Variants in MCTP1 observed in about 807,000 individuals in gnomAD.
The protein encoded by MCTP1 is multiple C2 and transmembrane domain containing 1, also known as multiple C2 and transmembrane domain-containing protein 1.
A neutral mutation model predicts 120.6 loss-of-function variants in MCTP1; 69 were observed. The ratio of observed to expected loss-of-function variants is 0.57; its 90% CI spans 0.47 to 0.70. The LOEUF is 0.70. Among genes scored for constraint, MCTP1 ranks in the 30% least tolerant of loss-of-function variants. The pLI, the probability that MCTP1 is intolerant of heterozygous loss-of-function variation, is 0.00. For missense variants in MCTP1, 1,203 were observed against 1,248.8 expected, an observed-to-expected ratio of 0.96 and a Z score of 0.55; for synonymous variants, 529 against 493.1, an observed-to-expected ratio of 1.07 and a Z score of -0.96.
At chr5:95,220,715 C>A in intron 1 of MCTP1, among the ~76,000 whole-genome samples, 1 of 152,152 alleles carries the variant, frequency 6.6e-6, no homozygotes, top group Non-Finnish European at 1.5e-5. Context: ...AGAGTCATGG[C>A]AATATTTTTT....
At chr5:94,822,522 A>G (rs112997317) in intron 17 of MCTP1, among the ~76,000 whole-genome samples, 1 of 152,144 alleles carries the variant, frequency 6.6e-6, no homozygotes, top group Non-Finnish European at 1.5e-5. Flanking sequence ...ATAAACATAC[A>G]TGTGCATGTG....
chr5:95,152,702 T>C (rs1744668250), intron 1 of MCTP1, among the ~76,000 whole-genome samples: 1 of 152,222 alleles, frequency 6.6e-6, no homozygotes, highest in African/African-American at 2.4e-5. Context: ...TTTATTTACA[T>C]TCTTATGTTT....
intron 3 of MCTP1, among the ~76,000 whole-genome samples, chr5:94,946,736 T>C (rs775181749): frequency 2.6e-5 from 4 of 152,150 alleles, no homozygotes; most frequent in Non-Finnish European, 5.9e-5. Context: ...GTTCTGCACC[T>C]TACAAACTGA....
At chr5:94,932,160 C>T (rs1167960571) in intron 5 of MCTP1, among the ~76,000 whole-genome samples, 169 bp from the exon 6 acceptor site, 1 of 137,150 alleles carries the variant, frequency 7.3e-6, no homozygotes, top group African/African-American at 2.7e-5. Flanking sequence ...AGAGAAACAA[C>T]TTTAACATTC....
At chr5:94,935,597 T>C (rs538946507) in intron 5 of MCTP1, among the ~76,000 whole-genome samples, 5 of 152,178 alleles carry the variant, frequency 3.3e-5, no homozygotes, top group South Asian at 4.1e-4. Flanking sequence ...TTAATACATA[T>C]AAAATATTTA....
At chr5:94,852,977 T>TCAA (rs1275828368) in intron 17 of MCTP1, among the ~76,000 whole-genome samples, 2 of 151,988 alleles carry the variant, frequency 1.3e-5, no homozygotes, top group Admixed American at 1.3e-4. Flanking sequence ...ATAACAAATA[T>TCAA]ATGACTCACA....
intron 1 of MCTP1, among the ~76,000 whole-genome samples, chr5:95,262,695 T>C (rs1758567058): frequency 6.6e-6 from 1 of 152,202 alleles, no homozygotes; most frequent in Non-Finnish European, 1.5e-5. Flanking sequence ...GATTACAAAG[T>C]AGCTTAATTT....
intron 18 of MCTP1, among the ~76,000 whole-genome samples, chr5:94,786,922 T>A (rs1248931738): frequency 3.9e-5 from 6 of 152,178 alleles, no homozygotes; most frequent in Non-Finnish European, 8.8e-5. Context: ...CTCATAAAAA[T>A]TAGGCTTGAT....
intron 21 of MCTP1, chr5:94,709,691 T>C (rs553642599): frequency 6.6e-6 from 1 of 152,142 alleles, no homozygotes; most frequent in Non-Finnish European, 1.5e-5. Context: ...TCTTCCCTTA[T>C]ATAATGAAAG....
chr5:94,964,851 G>A (rs1825209958), intron 2 of MCTP1, among the ~76,000 whole-genome samples: 1 of 152,080 alleles, frequency 6.6e-6, no homozygotes, highest in East Asian at 1.9e-4. Flanking sequence ...GGTAATTATT[G>A]ATAGGTAAGA....
chr5:95,049,622 T>C (rs1293868667), intron 1 of MCTP1, among the ~76,000 whole-genome samples: 2 of 152,186 alleles, frequency 1.3e-5, no homozygotes, highest in Non-Finnish European at 2.9e-5. Context: ...TAGTTTACCC[T>C]GGTAAAAAGA....
intron 21 of MCTP1, chr5:94,709,636 G>GA (rs763143131): frequency 1.3e-5 from 2 of 152,062 alleles, no homozygotes; most frequent in African/African-American, 2.4e-5. Context: ...AGGAAGAAAT[G>GA]AAAGATGAAC....
At chr5:94,813,566 T>C (rs966342645) in intron 17 of MCTP1, among the ~76,000 whole-genome samples, 2 of 152,184 alleles carry the variant, frequency 1.3e-5, no homozygotes, top group African/African-American at 4.8e-5. Context: ...CAAATGTTTA[T>C]CATCTAGTAA....
rs1580675344 is a variant in MCTP1 at position 94,784,787 on chromosome 5, A to G, written c.2557-5624T>C. 5 of 152,022 alleles carry G rather than the reference A, an allele frequency of 3.3e-5. No homozygotes were observed. The South Asian group carries it at 1.0e-3, about 32-fold the overall frequency. The allele number at this position is 152,022 out of a possible 1,614,324, so 9.4% of individuals were successfully genotyped here. The stretch of plus-strand genomic sequence containing the variant: ...CCAGGGAGGCTGAATATATTGCAGT[A>G]CAAAAGAAGGCAGAATAAAAAAAAA... On this transcript the variant is annotated intron_variant, in intron 18 of 22. Coordinates refer to ENST00000515393, the MANE Select transcript of MCTP1 (RefSeq NM_024717.7).
intron 1 of MCTP1, among the ~76,000 whole-genome samples, chr5:95,232,762 G>GA (rs935404663): frequency 6.6e-6 from 1 of 151,904 alleles, no homozygotes; most frequent in Non-Finnish European, 1.5e-5. Flanking sequence ...ATAAAATTAT[G>GA]AAAAAAAGAT....
chr5:94,778,461 T>TC (rs1026649797), intron 19 of MCTP1, among the ~76,000 whole-genome samples: 1 of 151,932 alleles, frequency 6.6e-6, no homozygotes, highest in Non-Finnish European at 1.5e-5. Flanking sequence ...CCTCCAGTTG[T>TC]CCCCCCTCCC....
At chr5:95,066,610 CTT>C (rs1750721097) in intron 1 of MCTP1, among the ~76,000 whole-genome samples, 1 of 152,070 alleles carries the variant, frequency 6.6e-6, no homozygotes. Context: ...AACAGATAAA[CTT>C]ATAAAGAAAA....
chr5:95,166,643 C>A (rs1475880621), intron 1 of MCTP1, among the ~76,000 whole-genome samples: 2 of 149,116 alleles, frequency 1.3e-5, no homozygotes, highest in Non-Finnish European at 1.5e-5. Flanking sequence ...TCTCGGCTCA[C>A]TGCAAGCTCT....
At chr5:94,901,181 G>A (rs1290702363) in intron 10 of MCTP1, among the ~76,000 whole-genome samples, 1 of 152,182 alleles carries the variant, frequency 6.6e-6, no homozygotes, top group African/African-American at 2.4e-5. Context: ...ATGGCAGAAG[G>A]CGAATGAGGA....
Sources: allele counts gnomAD v4.1 joint callset (sites outside exome capture counted in the v4.1 genomes callset), GRCh38; gene constraint gnomAD v4.1.1; transcripts MANE v1.5; gene names NCBI Gene and HGNC (gene_info 2026-07-23, HGNC 2026-07-21).